The following NOL4 variants were observed in gnomAD, a reference collection of about 807,000 sequenced individuals.
The protein encoded by NOL4 is nucleolar protein 4.
NOL4 carries 17 observed loss-of-function variants against 75.9 expected under a neutral mutation model. The ratio of observed to expected loss-of-function variants is 0.22; its 90% CI spans 0.15 to 0.34. NOL4 has a LOEUF of 0.34. Among genes scored for constraint, NOL4 ranks in the 10% least tolerant of loss-of-function variants. The pLI is 1.00. For synonymous variants in NOL4, 292 were observed against 289.9 expected, an observed-to-expected ratio of 1.01 and a Z score of -0.07; for missense variants, 614 against 793.5, an observed-to-expected ratio of 0.77 and a Z score of 2.72.
At chr18:33,919,093 TA>T (rs1296103441) in intron 9 of NOL4, among the ~76,000 whole-genome samples, 1 of 152,190 alleles carries the variant, frequency 6.6e-6, no homozygotes, top group Non-Finnish European at 1.5e-5. Context: ...CTTGTTGAAG[TA>T]AATCATTTGT....
chr18:33,931,694 A>C (rs574760792), intron 9 of NOL4, among the ~76,000 whole-genome samples: 53 of 152,024 alleles, frequency 3.5e-4, no homozygotes, highest in Non-Finnish European at 6.2e-4. Flanking sequence ...TGATCATGCC[A>C]CTGTACTCCA....
chr18:34,017,933 C>T (rs903541154), intron 6 of NOL4, among the ~76,000 whole-genome samples: 9 of 152,232 alleles, frequency 5.9e-5, no homozygotes, highest in Middle Eastern at 3.4e-3. Context: ...ACCATCTGTG[C>T]TTCTCAACTC....
intron 1 of NOL4, among the ~76,000 whole-genome samples, chr18:34,179,189 A>G (rs1336114468): frequency 1.3e-5 from 2 of 151,634 alleles, no homozygotes; most frequent in Admixed American, 1.3e-4. Flanking sequence ...GCAGCAAAAT[A>G]ACTTCTTTGA....
In NOL4 at chr18:33,853,055, A is replaced by C. The variant is rs774052153; in HGVS notation, c.1724-20T>G. The C allele has an allele frequency of 6.4e-7, 1 of 1,568,234 alleles. No individual in the cohort carries two copies. The highest frequency in any genetic ancestry group is 8.7e-7 in the Non-Finnish European group (1 of 1,155,334). ...TGGGTCCTAGAAAGAAAATCATCAC[A>C]AAATTAGACATAAATATTATTTGTT... On this transcript the variant is annotated intron_variant, in intron 10 of 10. Coordinates refer to ENST00000261592, the MANE Select transcript of NOL4 (RefSeq NM_003787.5).
chr18:34,214,691 T>G (rs1169707494), intron 1 of NOL4, among the ~76,000 whole-genome samples: 1 of 152,162 alleles, frequency 6.6e-6, no homozygotes, highest in African/African-American at 2.4e-5. Context: ...GAAAGTAGGG[T>G]TTTGAGGAGA....
At position 33,943,235 on chromosome 18, in the gene NOL4, C is replaced by T. The variant is rs1014147760; in HGVS notation, c.1429-57G>A. On this transcript the variant is annotated intron_variant, in intron 8 of 10. Transcript: ENST00000261592. ...ATTATTAACAGTATCATTAACAGGC[C>T]AATGCTATTCTCAGAAGAGCTCTCA... The T allele has an allele frequency of 5.3e-6, 6 of 1,126,538 alleles. No homozygotes were observed. In the African/African-American group the frequency reaches 7.8e-5, roughly 15 times the overall value. 69.8% of individuals were successfully genotyped at this position (1,126,538 alleles called of 1,614,324 possible).
intron 9 of NOL4, among the ~76,000 whole-genome samples, chr18:33,898,642 T>A (rs1343041463): frequency 6.6e-6 from 1 of 152,182 alleles, no homozygotes; most frequent in Non-Finnish European, 1.5e-5. Context: ...AAGCACTTAT[T>A]GTCAATGCGT....
At chr18:33,906,185 T>C (rs1341987009) in intron 9 of NOL4, among the ~76,000 whole-genome samples, 2 of 152,122 alleles carry the variant, frequency 1.3e-5, no homozygotes, top group African/African-American at 2.4e-5. Flanking sequence ...CACGTAACAA[T>C]GTAGTGTTGA....
intron 5 of NOL4, among the ~76,000 whole-genome samples, chr18:34,064,646 T>G (rs1391988001): frequency 6.6e-6 from 1 of 151,932 alleles, no homozygotes; most frequent in African/African-American, 2.4e-5. Context: ...CCTTTGAAAT[T>G]CTAAAATGAT....
chr18:34,162,089 C>A (rs187384623), intron 1 of NOL4, among the ~76,000 whole-genome samples: 1 of 152,028 alleles, frequency 6.6e-6, no homozygotes, highest in African/African-American at 2.4e-5. Flanking sequence ...TTTCTGCCCA[C>A]GCTAAATGCA....
At chr18:33,915,831 C>A (rs1041830571) in intron 9 of NOL4, among the ~76,000 whole-genome samples, 1 of 152,090 alleles carries the variant, frequency 6.6e-6, no homozygotes, top group Non-Finnish European at 1.5e-5. Flanking sequence ...TCCTGGGAAC[C>A]AGGTAACAAA....
chr18:34,024,146 TC>T lies in NOL4; in HGVS notation c.773-4546del, dbSNP rs1251558089. On this transcript the variant is annotated intron_variant, in intron 5 of 10. Transcript: ENST00000261592. Reference sequence around the variant, plus strand: ...TTACTTTCAGTAGCTCAGCATCATGTCCTTTAGGCCAAGTGCCTTAGGCAAA... The same window carrying T: ...TTACTTTCAGTAGCTCAGCATCATGTCTTTAGGCCAAGTGCCTTAGGCAAA... Among the ~76,000 whole-genome samples the T allele has an allele frequency of 7.0e-4, 94 of 134,158 alleles. 1 individual carries two copies. Among genetic ancestry groups the T allele is most frequent in the Non-Finnish European group, 1.6e-5 (1 of 61,476 alleles). 88.0% of individuals were successfully genotyped at this position (134,158 alleles called of 152,430 possible).
At chr18:34,154,744 G>C (rs190075838) in intron 1 of NOL4, among the ~76,000 whole-genome samples, 1 of 151,814 alleles carries the variant, frequency 6.6e-6, no homozygotes, top group Non-Finnish European at 1.5e-5. Flanking sequence ...TCCCAAGTGG[G>C]TGTGTTAACT....
chr18:34,057,413 G>A lies in NOL4; in HGVS notation c.772+36052C>T, dbSNP rs538874573. Among the ~76,000 whole-genome samples, 341 of 152,204 alleles carry A rather than the reference G, an allele frequency of 2.2e-3. 2 individuals are homozygous for A. The highest frequency in any genetic ancestry group is 7.8e-3 in the African/African-American group (325 of 41,534). ...CATTGGGCTCCTAAGGTTAAGCCCA[G>A]GTAAAACTAAAATGTTCTTTGCCTT... On this transcript the variant is annotated intron_variant, in intron 5 of 10. Coordinates refer to ENST00000261592, the MANE Select transcript of NOL4 (RefSeq NM_003787.5).
intron 10 of NOL4, among the ~76,000 whole-genome samples, chr18:33,857,872 T>C (rs1226543032): frequency 4.6e-5 from 7 of 152,136 alleles, no homozygotes; most frequent in African/African-American, 1.7e-4. Flanking sequence ...CTCTTTGTGC[T>C]TCACACCTCT....
At chr18:33,972,444 C>T (rs1343207971) in intron 6 of NOL4, among the ~76,000 whole-genome samples, 2 of 151,938 alleles carry the variant, frequency 1.3e-5, no homozygotes, top group Non-Finnish European at 2.9e-5. Flanking sequence ...AGGATGGCAA[C>T]TATATATATA....
chr18:34,105,179 T>C lies in NOL4; in HGVS notation c.415-19A>G. The C allele has an allele frequency of 1.4e-6, 2 of 1,462,228 alleles. No homozygotes were observed. The highest frequency in any genetic ancestry group is 1.9e-6 in the Non-Finnish European group (2 of 1,042,592). The allele number at this position is 1,462,228 out of a possible 1,614,324, so 90.6% of individuals were successfully genotyped here. A position where few individuals can be genotyped will look rare whatever the true frequency, so the allele number is the denominator to read the frequency against. On this transcript the variant is annotated intron_variant, in intron 2 of 10. Coordinates refer to ENST00000261592, the MANE Select transcript of NOL4 (RefSeq NM_003787.5). ...CTGAAATCTGAAATGATTCACAAAA[T>C]ACAGGTGTTATTATATAAGCTCACT...
At chr18:34,184,984 G>T (rs1427359420) in intron 1 of NOL4, among the ~76,000 whole-genome samples, 1 of 152,046 alleles carries the variant, frequency 6.6e-6, no homozygotes, top group Non-Finnish European at 1.5e-5. Context: ...TCAGATTAGG[G>T]ACTCAAAATT....
intron 5 of NOL4, among the ~76,000 whole-genome samples, chr18:34,035,051 C>T (rs571334702): frequency 2.6e-5 from 4 of 151,956 alleles, no homozygotes; most frequent in Non-Finnish European, 4.4e-5. Flanking sequence ...AGCATTACAC[C>T]GATCATCTAG....
Sources: allele counts gnomAD v4.1 joint callset (sites outside exome capture counted in the v4.1 genomes callset), GRCh38; gene constraint gnomAD v4.1.1; transcripts MANE v1.5; gene names NCBI Gene and HGNC (gene_info 2026-07-23, HGNC 2026-07-21).